The following TMEM61 variants were observed in gnomAD, a reference collection of about 807,000 sequenced individuals.
TMEM61 encodes the protein transmembrane protein 61.
A neutral mutation model predicts 12.0 loss-of-function variants in TMEM61; 13 were observed. The ratio of observed to expected loss-of-function variants is 1.08; its 90% CI spans 0.70 to 1.72. The LOEUF is 1.72. Among genes scored for constraint, TMEM61 ranks in the 40% most tolerant of loss-of-function variants. The probability of loss-of-function intolerance (pLI) is 0.00; values close to 1 mark genes in which losing one functional copy is unlikely to be tolerated. For missense variants in TMEM61, 249 were observed against 276.9 expected, an observed-to-expected ratio of 0.90 and a Z score of 0.71; for synonymous variants, 109 against 121.4, an observed-to-expected ratio of 0.90 and a Z score of 0.67.
rs1428576024 is a variant in TMEM61, at chr1:54,983,118, TTTTG to T, written c.15+2042_15+2045del. Among the ~76,000 whole-genome samples, 17 of 131,206 alleles carry T rather than the reference TTTTG, an allele frequency of 1.3e-4. 4 individuals carry two copies. Among genetic ancestry groups the T allele is most frequent in the Middle Eastern group, 7.6e-3 (2 of 262 alleles). The allele number at this position is 131,206 out of a possible 152,430, so 86.1% of individuals were successfully genotyped here. A position where few individuals can be genotyped will look rare whatever the true frequency, so the allele number is the denominator to read the frequency against. ...ATTTGTGTTTTGCTTTGTTTTTTTT[TTTTG>T]TTTTTTTTTGAGAAAGAGTCTCACT... On this transcript the variant is annotated intron_variant, in intron 1 of 2. Coordinates refer to ENST00000371268, the MANE Select transcript of TMEM61 (RefSeq NM_182532.3).
Position 54,986,361 on chromosome 1 carries a change from C to T in TMEM61, c.280C>T (p.Pro94Ser), listed in dbSNP as rs267598658. The stretch of plus-strand genomic sequence containing the variant: ...GCTGTGGTCCGTCAAGGCCAGCATC[C>T]CAGGGCCACCTCGATGGGACCCCTA... ...GLLWSVKASI[P>S]GPPRWDPYHL... is the part of the protein sequence containing the mutation. The change falls in exon 2 of 3, where the codon CCA becomes TCA. Residue 94 changes from proline (P) to serine (S), a missense_variant. Physicochemically the swap from Pro to Ser is moderately conservative, Grantham distance 74. Transcript: ENST00000371268. 2 of 1,613,422 alleles carry T rather than the reference C, an allele frequency of 1.2e-6. No homozygotes were observed. Among genetic ancestry groups the T allele is most frequent in the South Asian group, 2.2e-5 (2 of 91,002 alleles).
At chr1:54,986,800 G>A (rs1644264455) in intron 2 of TMEM61, among the ~76,000 whole-genome samples, 1 of 152,200 alleles carries the variant, frequency 6.6e-6, no homozygotes, top group South Asian at 2.1e-4. Context: ...GCAAGAGTCA[G>A]ACCCACTGGG....
At chr1:54,987,893 T>A (rs535874943) in intron 2 of TMEM61, among the ~76,000 whole-genome samples, 1 of 152,314 alleles carries the variant, frequency 6.6e-6, no homozygotes, top group South Asian at 2.1e-4. Flanking sequence ...GAAAATGTTT[T>A]CCGAGTCGAA....
chr1:54,990,957 G>A (rs191955259), intron 2 of TMEM61, among the ~76,000 whole-genome samples: 1 of 152,310 alleles, frequency 6.6e-6, no homozygotes, highest in African/African-American at 2.4e-5. Flanking sequence ...ACCACCCTCA[G>A]TGTTGGAAGG....
intron 1 of TMEM61, among the ~76,000 whole-genome samples, chr1:54,984,008 AG>A (rs1275632967): frequency 2.6e-5 from 4 of 152,180 alleles, no homozygotes; most frequent in Non-Finnish European, 4.4e-5. Context: ...GTCCACTCCC[AG>A]AGCGCCCCTT....
intron 2 of TMEM61, among the ~76,000 whole-genome samples, chr1:54,991,196 C>CTCAAGCCCCTGTGGGG (rs1644295689): frequency 6.6e-6 from 1 of 152,186 alleles, no homozygotes; most frequent in South Asian, 2.1e-4. Context: ...TGGTCTCTGC[C>CTCAAGCCCCTGTGGGG]TCAAGCCCCT....
chr1:54,992,053 G>A lies in TMEM61; in HGVS notation c.583G>A (p.Ala195Thr), dbSNP rs1341508568. 6.2e-7 allele frequency: 1 copy of A among 1,613,258 alleles called. No homozygotes were observed. The highest frequency in any genetic ancestry group is 8.5e-7 in the Non-Finnish European group (1 of 1,179,930). Residue 195 changes from alanine to threonine, a missense_variant, in exon 3 of 3, where the codon GCC (alanine) becomes ACC (threonine). Ala to Thr is a moderately conservative substitution (Grantham distance 58). Transcript: ENST00000371268. The part of the protein sequence containing the change: ...DAVSAETTPS[A>T]TRSCSGLVQT... ...CGTTTCTGCGGAGACGACACCGAGT[G>A]CCACACGCTCCTGCTCAGGCCTGGT...
At chr1:54,988,811 G>C (rs1007852338) in intron 2 of TMEM61, among the ~76,000 whole-genome samples, 14 of 152,206 alleles carry the variant, frequency 9.2e-5, no homozygotes, top group African/African-American at 3.4e-4. Context: ...CAAAATCCCT[G>C]CCCTCAGGAA....
chr1:54,991,411 T>C (rs952754063), intron 2 of TMEM61, among the ~76,000 whole-genome samples: 1 of 152,236 alleles, frequency 6.6e-6, no homozygotes, highest in African/African-American at 2.4e-5. Flanking sequence ...CATTCTGCCC[T>C]GGGCATCCCA....
Position 54,981,057 on chromosome 1 carries a change from C to T in TMEM61, c.-9C>T. On this transcript the variant is annotated 5_prime_UTR_variant, in exon 1 of 3. Coordinates refer to ENST00000371268, the MANE Select transcript of TMEM61 (RefSeq NM_182532.3). Reference sequence around the variant, plus strand: ...GCGCGCCTGGACAGCGCCTGCTGCCCGCCTCCCGATGGCCCTGCCCCAGGT... The same window carrying T: ...GCGCGCCTGGACAGCGCCTGCTGCCTGCCTCCCGATGGCCCTGCCCCAGGT... 1.9e-6 allele frequency: 3 copies of T among 1,580,820 alleles called. No individual in the cohort carries two copies. Among genetic ancestry groups the T allele is most frequent in the South Asian group, 1.2e-5 (1 of 86,166 alleles).
chr1:54,990,638 G>A (rs1475095721), intron 2 of TMEM61, among the ~76,000 whole-genome samples: 1 of 152,198 alleles, frequency 6.6e-6, no homozygotes, highest in African/African-American at 2.4e-5. Context: ...AGCCTGGCAA[G>A]TGACTCAGCC....
In TMEM61 at chr1:54,981,053, T is replaced by G; in HGVS notation, c.-13T>G. ...CCCTGCGCGCCTGGACAGCGCCTGCTGCCCGCCTCCCGATGGCCCTGCCCC... is the reference window on the plus strand; with the variant it reads ...CCCTGCGCGCCTGGACAGCGCCTGCGGCCCGCCTCCCGATGGCCCTGCCCC... On this transcript the variant is annotated 5_prime_UTR_variant, in exon 1 of 3. Coordinates refer to ENST00000371268, the MANE Select transcript of TMEM61 (RefSeq NM_182532.3). The G allele has an allele frequency of 6.3e-7, 1 of 1,578,154 alleles. No individual in the cohort carries two copies.
chr1:54,987,973 C>T (rs1356274635), intron 2 of TMEM61, among the ~76,000 whole-genome samples: 1 of 152,236 alleles, frequency 6.6e-6, no homozygotes, highest in East Asian at 1.9e-4. Flanking sequence ...ACAGTCAGCC[C>T]TTTCTGTCTA....
chr1:54,984,056 G>GCA (rs145160024), intron 1 of TMEM61, among the ~76,000 whole-genome samples: 22 of 151,140 alleles, frequency 1.5e-4, no homozygotes, highest in South Asian at 6.2e-4. Flanking sequence ...ACACACACAT[G>GCA]CACACACACA....
rs762341441 is a variant in TMEM61, at chr1:54,986,270, C to G, written c.189C>G (p.Ser63Arg). The part of the protein sequence containing the change: ...PTEYPVPEGP[S>R]PLLRSVSFVC... Reference sequence around the variant, plus strand: ...AGTATCCGGTGCCTGAGGGCCCCAGCCCCCTGCTCAGGTCCGTCAGCTTCG... The same window carrying G: ...AGTATCCGGTGCCTGAGGGCCCCAGGCCCCTGCTCAGGTCCGTCAGCTTCG... The change falls in exon 2 of 3, where the codon AGC (serine) becomes AGG (arginine). Residue 63 changes from serine to arginine, a missense_variant. Coordinates refer to ENST00000371268, the MANE Select transcript of TMEM61 (RefSeq NM_182532.3). The G allele has an allele frequency of 2.9e-5, 47 of 1,613,752 alleles. No homozygotes were observed. Among genetic ancestry groups the G allele is most frequent in the Middle Eastern group, 3.3e-4 (2 of 6,084 alleles).
At chr1:54,988,794 A>G (rs1221508098) in intron 2 of TMEM61, among the ~76,000 whole-genome samples, 1 of 152,228 alleles carries the variant, frequency 6.6e-6, no homozygotes, top group African/African-American at 2.4e-5. Flanking sequence ...ACAGTGGGCA[A>G]AACAGACAAA....
At chr1:54,985,353 C>T (rs996473324) in intron 1 of TMEM61, among the ~76,000 whole-genome samples, 3 of 152,164 alleles carry the variant, frequency 2.0e-5, no homozygotes, top group African/African-American at 7.2e-5. Context: ...TCTCCTGCCT[C>T]AGCCTCCCGA....
At chr1:54,983,944 C>T (rs1038187923) in intron 1 of TMEM61, among the ~76,000 whole-genome samples, 7 of 152,042 alleles carry the variant, frequency 4.6e-5, no homozygotes, top group South Asian at 2.1e-4. Context: ...AGGTAATTTA[C>T]AAATGGAATT....
intron 1 of TMEM61, among the ~76,000 whole-genome samples, chr1:54,984,143 T>A (rs1644242872): frequency 6.6e-6 from 1 of 152,320 alleles, no homozygotes; most frequent in Middle Eastern, 3.4e-3. Context: ...TCTTGAACAT[T>A]TGCCATGCCC....
Sources: gnomAD v4.1 joint callset for allele counts (sites outside exome capture counted in the v4.1 genomes callset) on GRCh38, gnomAD v4.1.1 for gene constraint, MANE v1.5 for transcripts, NCBI Gene and HGNC (gene_info 2026-07-23, HGNC 2026-07-21) for gene names.